Variants in SLC29A3 observed in about 807,000 individuals in gnomAD.
SLC29A3 encodes equilibrative nucleoside transporter 3.
SLC29A3 carries 18 observed loss-of-function variants against 25.4 expected under a neutral mutation model. That is an observed-to-expected ratio of 0.71 (90% confidence interval 0.49 to 1.05). The LOEUF (loss-of-function observed/expected upper bound fraction) is 1.05. Ranked by LOEUF, SLC29A3 falls within the 50% of genes least tolerant of loss-of-function variation. The probability of loss-of-function intolerance (pLI) is 0.00; values close to 1 mark genes in which losing one functional copy is unlikely to be tolerated. For synonymous variants in SLC29A3, 258 were observed against 267.1 expected, an observed-to-expected ratio of 0.97 and a Z score of 0.33; for missense variants, 586 against 609.0, an observed-to-expected ratio of 0.96 and a Z score of 0.40.
chr10:71,378,520 C>T (rs1281734085), intron 4 of SLC29A3, among the ~76,000 whole-genome samples: 1 of 152,214 alleles, frequency 6.6e-6, no homozygotes, highest in African/African-American at 2.4e-5. Context: ...TTCCTCATCC[C>T]TCAAGTGAGA....
intron 5 of SLC29A3, among the ~76,000 whole-genome samples, chr10:71,359,633 T>C (rs1484976970): frequency 6.6e-6 from 1 of 152,042 alleles, no homozygotes; most frequent in East Asian, 1.9e-4. Context: ...CCCACATGGG[T>C]GTTATCTGCA....
intron 3 of SLC29A3, among the ~76,000 whole-genome samples, chr10:71,350,807 G>C (rs1846735480): frequency 6.6e-6 from 1 of 152,182 alleles, no homozygotes; most frequent in Admixed American, 6.5e-5. Context: ...ACTGACCAGA[G>C]CCAGGCCTCC....
intron 2 of SLC29A3, among the ~76,000 whole-genome samples, chr10:71,334,763 C>G (rs1047533908): frequency 5.3e-5 from 8 of 152,164 alleles, no homozygotes; most frequent in Admixed American, 4.6e-4. Context: ...AGCCTCCCCC[C>G]ATCCCCATTC....
In SLC29A3 at chr10:71,325,915, CT is replaced by C. The variant is rs5786034; in HGVS notation, c.300+2880del. On this transcript the variant is annotated intron_variant, in intron 2 of 5. Transcript: ENST00000373189. The stretch of plus-strand genomic sequence containing the variant: ...CTCATATTTCTGGACTATATTAGTA[CT>C]TTTTTTTTTTTTTTTTTTGAGACAG... Among the ~76,000 whole-genome samples the C allele has an allele frequency of 3.6e-3, 437 of 122,602 alleles. 1 individual carries two copies. Among genetic ancestry groups the C allele is most frequent in the Middle Eastern group, 0.021 (5 of 236 alleles). 80.4% of individuals were successfully genotyped at this position (122,602 alleles called of 152,430 possible). A position where few individuals can be genotyped will look rare whatever the true frequency, so the allele number is the denominator to read the frequency against.
chr10:71,342,913 C>A (rs1007689872), intron 2 of SLC29A3, among the ~76,000 whole-genome samples: 1 of 152,242 alleles, frequency 6.6e-6, no homozygotes, highest in African/African-American at 2.4e-5. Flanking sequence ...CCACAAAGCA[C>A]TCTGCAGGCT....
intron 5 of SLC29A3, among the ~76,000 whole-genome samples, chr10:71,357,032 T>G (rs932506123): frequency 6.6e-6 from 1 of 152,130 alleles, no homozygotes; most frequent in Non-Finnish European, 1.5e-5. Context: ...GCTGCAGCCT[T>G]GACCTCCTGG....
chr10:71,378,152 G>A (rs1486399011), intron 4 of SLC29A3, among the ~76,000 whole-genome samples: 1 of 151,776 alleles, frequency 6.6e-6, no homozygotes, highest in African/African-American at 2.4e-5. Context: ...ATAAAGTTAG[G>A]TACAAAAATG....
chr10:71,361,590 C>T (rs1847054896), intron 5 of SLC29A3, among the ~76,000 whole-genome samples: 2 of 152,194 alleles, frequency 1.3e-5, no homozygotes, highest in Non-Finnish European at 2.9e-5. Context: ...AGCTTGCATT[C>T]CTTTTATCAT....
At chr10:71,341,092 T>C (rs1846393383) in intron 2 of SLC29A3, among the ~76,000 whole-genome samples, 1 of 152,172 alleles carries the variant, frequency 6.6e-6, no homozygotes, top group South Asian at 2.1e-4. Context: ...TTCCAGCTCC[T>C]GCCTCTCATT....
rs1564543909 is a variant in SLC29A3 at position 71,362,777 on chromosome 10, A to G, written c.*169A>G. 1 of 800,438 alleles carries G rather than the reference A, an allele frequency of 1.2e-6. No homozygotes were observed. Among genetic ancestry groups the G allele is most frequent in the Non-Finnish European group, 2.1e-6 (1 of 475,652 alleles). 49.6% of individuals were successfully genotyped at this position (800,438 alleles called of 1,614,324 possible). A position where few individuals can be genotyped will look rare whatever the true frequency, so the allele number is the denominator to read the frequency against. ...ATGCCAGTGAGCCACGTCCATGCCC[A>G]TTCCGTGCAAGGCAGATATTCCAGT... is the stretch of plus-strand genomic sequence containing the variant. On this transcript the variant is annotated 3_prime_UTR_variant, in exon 6 of 6. Coordinates refer to ENST00000373189, the MANE Select transcript of SLC29A3 (RefSeq NM_018344.6).
intron 2 of SLC29A3, among the ~76,000 whole-genome samples, chr10:71,337,335 C>T (rs905322287): frequency 6.6e-6 from 1 of 152,228 alleles, no homozygotes; most frequent in African/African-American, 2.4e-5. Flanking sequence ...TGGGCTGATG[C>T]CCAGGGCAAG....
intron 3 of SLC29A3, among the ~76,000 whole-genome samples, chr10:71,368,537 A>C (rs1158664867): frequency 1.3e-5 from 2 of 152,190 alleles, no homozygotes; most frequent in Admixed American, 6.5e-5. Context: ...GGCATGCCTG[A>C]CCTGGGGGCA....
At position 71,339,925 on chromosome 10, in the gene SLC29A3, G is replaced by A. The variant is rs116569546; in HGVS notation, c.301-4284G>A. Among the ~76,000 whole-genome samples the A allele has an allele frequency of 3.0e-3, 462 of 152,154 alleles. 3 individuals carry two copies. Among genetic ancestry groups the A allele is most frequent in the African/African-American group, 0.011 (439 of 41,512 alleles). On this transcript the variant is annotated intron_variant, in intron 2 of 5. Coordinates refer to ENST00000373189, the MANE Select transcript of SLC29A3 (RefSeq NM_018344.6). ...CTTGCGTCCACCTCCCCGAGGGCACGCAGGTGCCACAGCTCCTCCGTTGTA... is the reference window on the plus strand; with the variant it reads ...CTTGCGTCCACCTCCCCGAGGGCACACAGGTGCCACAGCTCCTCCGTTGTA...
intron 3 of SLC29A3, among the ~76,000 whole-genome samples, chr10:71,348,601 C>T (rs1240737852): frequency 6.6e-6 from 1 of 152,116 alleles, no homozygotes; most frequent in Admixed American, 6.5e-5. Context: ...TGTGTAGGAC[C>T]ACCTCGAGCA....
chr10:71,358,180 G>A (rs558337603), intron 5 of SLC29A3, among the ~76,000 whole-genome samples: 9 of 152,202 alleles, frequency 5.9e-5, no homozygotes, highest in African/African-American at 9.6e-5. Context: ...TCTCCCCACC[G>A]GATCATGCTG....
chr10:71,326,580 G>C lies in SLC29A3; in HGVS notation c.300+3526G>C, dbSNP rs1378756820. Among the ~76,000 whole-genome samples, 5 of 152,218 alleles carry C rather than the reference G, an allele frequency of 3.3e-5. No homozygotes were observed. The East Asian group carries it at 5.8e-4, about 18-fold the overall frequency. On this transcript the variant is annotated intron_variant, in intron 2 of 5. Coordinates refer to ENST00000373189, the MANE Select transcript of SLC29A3 (RefSeq NM_018344.6). ...GCCTGTCTCGGCCGGCACAGAGCTA[G>C]ATTGCGTGTGCACCTGCCCTGCCCC... is the stretch of plus-strand genomic sequence containing the variant.
intron 2 of SLC29A3, among the ~76,000 whole-genome samples, chr10:71,329,601 C>T (rs1272192210): frequency 6.6e-6 from 1 of 151,858 alleles, no homozygotes; most frequent in Non-Finnish European, 1.5e-5. Context: ...AACCGTGATC[C>T]AAGCCAGGTG....
At chr10:71,372,120 CAGG>C (rs1271013206) in intron 3 of SLC29A3, among the ~76,000 whole-genome samples, 2 of 152,200 alleles carry the variant, frequency 1.3e-5, no homozygotes, top group African/African-American at 2.4e-5. Context: ...AGGCGTGAGT[CAGG>C]AGCCACACAC....
At chr10:71,364,620 C>G (rs1847151138), downstream of SLC29A3, 1 of 152,216 alleles carries the variant, frequency 6.6e-6, no homozygotes, top group Non-Finnish European at 1.5e-5. Context: ...CTTTGCTTCT[C>G]TGCAGAAGCG....
Sources: gnomAD v4.1 joint callset for allele counts (sites outside exome capture counted in the v4.1 genomes callset) on GRCh38, gnomAD v4.1.1 for gene constraint, MANE v1.5 for transcripts, NCBI Gene and HGNC (gene_info 2026-07-23, HGNC 2026-07-21) for gene names.